CALN1: variants seen among roughly 807,000 people sequenced by gnomAD.
The protein encoded by CALN1 is calneuron 1.
Under a neutral mutation model 30.6 loss-of-function variants are expected in CALN1, and 17 were observed. That is an observed-to-expected ratio of 0.56 (90% CI 0.38 to 0.83). The LOEUF (loss-of-function observed/expected upper bound fraction) is 0.83, where lower values mean the gene tolerates loss of function less well. CALN1 is among the 40% of genes least tolerant of loss of function. The pLI, the probability that CALN1 is intolerant of heterozygous loss-of-function variation, is 0.00. For synonymous variants in CALN1, 156 were observed against 131.4 expected (o/e 1.19, Z -1.28); for missense variants, 291 against 354.9 (o/e 0.82, Z 1.45).
intron 5 of CALN1, among the ~76,000 whole-genome samples, chr7:71,922,306 C>T (rs2129517956): frequency 6.6e-6 from 1 of 152,006 alleles, no homozygotes; most frequent in South Asian, 2.1e-4. Context: ...ATACATTGAG[C>T]AAGAATTAAC....
chr7:71,933,827 C>T (rs139885601), intron 5 of CALN1, among the ~76,000 whole-genome samples: 25 of 152,162 alleles, frequency 1.6e-4, no homozygotes, highest in African/African-American at 5.5e-4. Flanking sequence ...GTGCTAGGTT[C>T]GGAGCAGTAT....
intron 5 of CALN1, among the ~76,000 whole-genome samples, chr7:71,862,405 G>T (rs991610193): frequency 6.6e-6 from 1 of 152,282 alleles, no homozygotes; most frequent in South Asian, 2.1e-4. Context: ...CTGTTCTCAT[G>T]ATAGTGAATA....
At chr7:72,426,533 G>C (rs2129563857) in intron 1 of CALN1, among the ~76,000 whole-genome samples, 1 of 152,304 alleles carries the variant, frequency 6.6e-6, no homozygotes, top group Non-Finnish European at 1.5e-5. Flanking sequence ...CAGCTATGTG[G>C]AACTGTGAGT....
rs1562740001 is a variant in CALN1, at chr7:72,209,310, CTCCTTCCCTCCTTCCCTCTT to C, written c.244+69356_244+69375del. 6.6e-3 allele frequency among the ~76,000 whole-genome samples: 139 copies of C among 21,056 alleles called. 37 individuals are homozygous for C. The highest frequency in any genetic ancestry group is 0.038 in the African/African-American group (93 of 2,434). 13.8% of individuals were successfully genotyped at this position (21,056 alleles called of 152,430 possible). ...CTTCCCTCCTTCCCTCTTTCCTTCC[CTCCTTCCCTCCTTCCCTCTT>C]TCCTTCCCTCTTTCCTTCCCTCCTT... On this transcript the variant is annotated intron_variant, in intron 3 of 6. Transcript: ENST00000395275.
intron 3 of CALN1, among the ~76,000 whole-genome samples, chr7:72,111,580 C>CT (rs1329630533): frequency 2.0e-5 from 3 of 151,850 alleles, no homozygotes; most frequent in Non-Finnish European, 2.9e-5. Flanking sequence ...GCCTTGGCCT[C>CT]TTGAGTACAC....
intron 3 of CALN1, among the ~76,000 whole-genome samples, chr7:72,131,543 C>G (rs867529678): frequency 1.6e-4 from 25 of 152,234 alleles, no homozygotes; most frequent in African/African-American, 5.5e-4. Context: ...AATTCAATAC[C>G]CGAACTGATT....
chr7:72,029,129 C>CT (rs1047963455), intron 4 of CALN1, among the ~76,000 whole-genome samples: 8 of 151,168 alleles, frequency 5.3e-5, no homozygotes, highest in South Asian at 2.1e-4. Flanking sequence ...AATATTTGGT[C>CT]TTTTTTTTTC....
chr7:71,956,041 G>A (rs1235887982), intron 5 of CALN1, among the ~76,000 whole-genome samples: 1 of 151,288 alleles, frequency 6.6e-6, no homozygotes, highest in Non-Finnish European at 1.5e-5. Context: ...AGGCTGGAGA[G>A]CAATGGCACT....
rs138358485 is a variant in CALN1, at chr7:72,432,027, C to T, written c.-226+15015G>A. The stretch of plus-strand genomic sequence containing the variant: ...TATTATTGCATTATGCCATGTCTTC[C>T]CTTTGAGGATTGATATGATTTGGCT... On this transcript the variant is annotated intron_variant, in intron 1 of 6. Transcript: ENST00000395276. Among the ~76,000 whole-genome samples the T allele has an allele frequency of 2.2e-3, 342 of 152,122 alleles. 1 individual carries two copies. The highest frequency in any genetic ancestry group is 8.1e-3 in the African/African-American group (335 of 41,512).
At chr7:72,208,961 C>T (rs1273548513) in intron 3 of CALN1, among the ~76,000 whole-genome samples, 1 of 151,826 alleles carries the variant, frequency 6.6e-6, no homozygotes, top group Non-Finnish European at 1.5e-5. Flanking sequence ...CTTCCTCCCT[C>T]CCTCCCTTTC....
At chr7:72,192,951 G>C (rs1388867353) in intron 3 of CALN1, among the ~76,000 whole-genome samples, 2 of 152,010 alleles carry the variant, frequency 1.3e-5, no homozygotes, top group African/African-American at 4.8e-5. Flanking sequence ...ACTCTGGGAT[G>C]CTGAAACAGG....
rs1337995662 is a variant in CALN1 at position 71,918,474 on chromosome 7, G to A, written c.501+105183C>T. Among the ~76,000 whole-genome samples the A allele has an allele frequency of 2.6e-5, 4 of 152,202 alleles. No individual in the cohort carries two copies. The South Asian group carries it at 6.2e-4, about 24-fold the overall frequency. On this transcript the variant is annotated intron_variant, in intron 5 of 6. Transcript: ENST00000395275. ...ACTCAGCCCTTGTAGGGTTTCTGAT[G>A]ATTTAGGAGGTGGGGTATGTAGACT... is the stretch of plus-strand genomic sequence containing the variant.
rs149897026 is a variant in CALN1 at position 72,373,740 on chromosome 7, G to A, written c.119+29511C>T. Among the ~76,000 whole-genome samples the A allele has an allele frequency of 1.3e-4, 20 of 152,292 alleles. No individual in the cohort carries two copies. The East Asian group carries it at 2.5e-3, about 19-fold the overall frequency. ...GTAACTCCATCATAAGTCAAGAAGC[G>A]TCTGTATGTAAATCTATGGATTCAG... On this transcript the variant is annotated intron_variant, in intron 2 of 6. Coordinates refer to ENST00000395275, the MANE Select transcript of CALN1 (RefSeq NM_031468.4).
chr7:72,281,083 G>T (rs897042736), intron 2 of CALN1, among the ~76,000 whole-genome samples: 5 of 151,950 alleles, frequency 3.3e-5, no homozygotes, highest in African/African-American at 1.2e-4. Context: ...GGCAGAGGTT[G>T]CAGTGAGCTG....
intron 5 of CALN1, among the ~76,000 whole-genome samples, chr7:71,815,241 C>A (rs774705841): frequency 1.1e-4 from 16 of 152,134 alleles, no homozygotes; most frequent in Non-Finnish European, 1.9e-4. Context: ...TTTGACTGCA[C>A]GTGGGTCAGT....
intron 3 of CALN1, among the ~76,000 whole-genome samples, chr7:72,251,631 G>T (rs897755036): frequency 6.6e-6 from 1 of 152,000 alleles, no homozygotes; most frequent in African/African-American, 2.4e-5. Flanking sequence ...AAACTTCTGG[G>T]CTCAAGTAAT....
chr7:72,473,927 T>TAAA, the CALN1 span, among the ~76,000 whole-genome samples: 1 of 135,052 alleles, frequency 7.4e-6, no homozygotes, highest in Non-Finnish European at 1.6e-5. Context: ...AGACTCTGTT[T>TAAA]AAAAAAAAAA....
At position 72,057,112 on chromosome 7, in the gene CALN1, T is replaced by A. The variant is rs77697428; in HGVS notation, c.389-33343A>T. 1.5e-4 allele frequency among the ~76,000 whole-genome samples: 19 copies of A among 127,128 alleles called. 1 individual carries two copies. In the East Asian group the frequency reaches 2.3e-3, roughly 15 times the overall value. The allele number at this position is 127,128 out of a possible 152,430, so 83.4% of individuals were successfully genotyped here. A position where few individuals can be genotyped will look rare whatever the true frequency, so the allele number is the denominator to read the frequency against. ...CATGCCACCAAGCCCACCTGTTTTT[T>A]AAAAAAAAAAAGTTTGTAGAGATGG... On this transcript the variant is annotated intron_variant, in intron 4 of 6. Coordinates refer to ENST00000395275, the MANE Select transcript of CALN1 (RefSeq NM_031468.4).
At chr7:72,051,961 C>T (rs1802862536) in intron 4 of CALN1, among the ~76,000 whole-genome samples, 1 of 152,206 alleles carries the variant, frequency 6.6e-6, no homozygotes, top group South Asian at 2.1e-4. Flanking sequence ...TTTCCATTAA[C>T]ATAAGCAATG....
Sources: allele counts gnomAD v4.1 joint callset (sites outside exome capture counted in the v4.1 genomes callset), GRCh38; gene constraint gnomAD v4.1.1; transcripts MANE v1.5; gene names NCBI Gene and HGNC (gene_info 2026-07-23, HGNC 2026-07-21).